The following NIN variants were observed in gnomAD, a reference collection of about 807,000 sequenced individuals.
NIN encodes the protein glycogen synthase kinase 3 beta-interacting protein.
Under a neutral mutation model 257.6 loss-of-function variants are expected in NIN, and 137 were observed. The ratio of observed to expected loss-of-function variants is 0.53; its 90% CI spans 0.46 to 0.61. NIN has a LOEUF of 0.61. Ranked by LOEUF, NIN falls within the 20% of genes least tolerant of loss-of-function variation. The pLI, the probability that NIN is intolerant of heterozygous loss-of-function variation, is 0.00. For missense variants in NIN, 2,439 were observed against 2,501.2 expected, an observed-to-expected ratio of 0.98 and a Z score of 0.53; for synonymous variants, 918 against 919.8, an observed-to-expected ratio of 1.00 and a Z score of 0.04.
chr14:50,825,362 G>C (rs1390267105), intron 2 of NIN, among the ~76,000 whole-genome samples: 1 of 152,208 alleles, frequency 6.6e-6, no homozygotes, highest in Non-Finnish European at 1.5e-5. Flanking sequence ...GTAATGTTCA[G>C]AGCTTCCTCT....
chr14:50,737,406 G>C (rs536649393), intron 27 of NIN, among the ~76,000 whole-genome samples: 2 of 147,030 alleles, frequency 1.4e-5, no homozygotes, highest in South Asian at 2.2e-4. Flanking sequence ...ATCCTCATGA[G>C]AGCCCTGAGT....
At chr14:50,830,862 C>T (rs2045676422) in intron 1 of NIN, 144 bp downstream of exon 1, 1 of 151,372 alleles carries the variant, frequency 6.6e-6, no homozygotes. Flanking sequence ...CCGCTGGCCC[C>T]GGACCCCAAA....
At chr14:50,814,307 T>C (rs191225767) in intron 3 of NIN, among the ~76,000 whole-genome samples, 32 of 152,288 alleles carry the variant, frequency 2.1e-4, no homozygotes, top group African/African-American at 7.2e-4. Context: ...ACTCTAACCA[T>C]GTTTCTTGGT....
chr14:50,730,128 A>G (rs752789098), intron 28 of NIN, among the ~76,000 whole-genome samples: 9 of 152,216 alleles, frequency 5.9e-5, no homozygotes, highest in Non-Finnish European at 1.3e-4. Flanking sequence ...AAAGATTGTT[A>G]AATGTTCAAT....
intron 15 of NIN, 139 bp from the exon 16 acceptor site, chr14:50,762,050 C>T: frequency 3.4e-6 from 3 of 873,478 alleles, no homozygotes; most frequent in Admixed American, 2.3e-5. Context: ...TAGGAAATAA[C>T]AGAGGCCAAG....
At chr14:50,824,761 G>A (rs1048511089) in intron 2 of NIN, among the ~76,000 whole-genome samples, 1 of 151,796 alleles carries the variant, frequency 6.6e-6, no homozygotes, top group Non-Finnish European at 1.5e-5. Context: ...TACCCTAAAT[G>A]AGGTCTACAG....
Position 50,765,187 on chromosome 14 carries a change from C to G in NIN, c.1635+1120G>C, listed in dbSNP as rs1057228885. Among the ~76,000 whole-genome samples the G allele has an allele frequency of 2.7e-4, 41 of 151,702 alleles. 1 individual carries two copies. Among genetic ancestry groups the G allele is most frequent in the African/African-American group, 8.7e-4 (36 of 41,342 alleles). On this transcript the variant is annotated intron_variant, in intron 14 of 30. Transcript: ENST00000530997. ...AGGAGGTGGAGGTTGCAGTGAGCTG[C>G]GATCACACCACCGTACTCCAGCCTG...
At chr14:50,809,200 G>A (rs1434086853) in intron 3 of NIN, among the ~76,000 whole-genome samples, 1 of 152,080 alleles carries the variant, frequency 6.6e-6, no homozygotes, top group Non-Finnish European at 1.5e-5. Context: ...CAGCCTGGGT[G>A]ACAAGAGCAA....
intron 5 of NIN, among the ~76,000 whole-genome samples, chr14:50,780,617 C>G (rs1254214930): frequency 6.6e-6 from 1 of 152,194 alleles, no homozygotes; most frequent in Non-Finnish European, 1.5e-5. Context: ...CAACCACCTA[C>G]CACAGTTTCA....
intron 3 of NIN, among the ~76,000 whole-genome samples, chr14:50,809,445 T>C (rs968978246): frequency 1.3e-5 from 2 of 152,086 alleles, no homozygotes; most frequent in African/African-American, 2.4e-5. Context: ...CTTAAGGATA[T>C]TAATGGAGGG....
intron 4 of NIN, among the ~76,000 whole-genome samples, chr14:50,794,156 C>A (rs975896158): frequency 1.3e-5 from 2 of 152,250 alleles, no homozygotes; most frequent in Admixed American, 6.5e-5. Context: ...CCAGGGAGGA[C>A]TGGCGACCCT....
intron 21 of NIN, among the ~76,000 whole-genome samples, 190 bp from the exon 22 acceptor site, chr14:50,748,295 T>C (rs111293333): frequency 7.9e-5 from 12 of 152,168 alleles, no homozygotes; most frequent in East Asian, 5.8e-4. Context: ...CTAAAAACTC[T>C]CAATAAACTA....
At chr14:50,731,375 C>T (rs948546664) in intron 28 of NIN, among the ~76,000 whole-genome samples, 6 of 151,702 alleles carry the variant, frequency 4.0e-5, no homozygotes, top group Admixed American at 6.6e-5. Context: ...ACTAAAAGTA[C>T]AAAAATTACC....
intron 27 of NIN, among the ~76,000 whole-genome samples, chr14:50,737,352 T>C (rs2041029207): frequency 6.6e-6 from 1 of 152,134 alleles, no homozygotes; most frequent in South Asian, 2.1e-4. Context: ...CTAGCCCCAG[T>C]GAAGCGTTCG....
chr14:50,727,609 CTGTGTG>C, intron 29 of NIN: 1 of 1,429,012 alleles, frequency 7.0e-7, no homozygotes, highest in Non-Finnish European at 9.4e-7. Flanking sequence ...GCTTATGTCT[CTGTGTG>C]TGGTGTGTGT....
At chr14:50,745,598 G>T (rs2041501830) in intron 22 of NIN, among the ~76,000 whole-genome samples, 1 of 152,144 alleles carries the variant, frequency 6.6e-6, no homozygotes, top group African/African-American at 2.4e-5. Flanking sequence ...TTCAACTGGT[G>T]ACAAATCCAG....
rs541623987 is a variant in NIN at position 50,803,263 on chromosome 14, G to A, written c.265+3474C>T. Among the ~76,000 whole-genome samples, 3 of 152,316 alleles carry A rather than the reference G, an allele frequency of 2.0e-5. No individual in the cohort carries two copies. The South Asian group carries it at 6.2e-4, about 32-fold the overall frequency. On this transcript the variant is annotated intron_variant, in intron 4 of 30. Transcript: ENST00000530997. ...CAGCTACCTGGGAGGCTGAGGCAGA[G>A]AATTGCTTGAACCTGGGAGGCGGAG...
At chr14:50,726,097 A>C in intron 29 of NIN, 31 bp from the exon 30 acceptor site, 1 of 1,527,998 alleles carries the variant, frequency 6.5e-7, no homozygotes, top group Non-Finnish European at 9.0e-7. Context: ...TTATTCGAAA[A>C]TCATGTCACA....
chr14:50,766,613 T>A (rs2141726902), intron 13 of NIN, among the ~76,000 whole-genome samples, 167 bp downstream of exon 13: 1 of 152,292 alleles, frequency 6.6e-6, no homozygotes, highest in East Asian at 1.9e-4. Flanking sequence ...GGCAATGTTC[T>A]CCTTCATAAC....
Sources: allele counts gnomAD v4.1 joint callset (sites outside exome capture counted in the v4.1 genomes callset), GRCh38; gene constraint gnomAD v4.1.1; transcripts MANE v1.5; gene names NCBI Gene and HGNC (gene_info 2026-07-23, HGNC 2026-07-21).